The following UNC79 variants were observed in gnomAD, a reference collection of about 807,000 sequenced individuals.
UNC79 encodes the protein unc-79 subunit of NALCN channel complex, also known as protein unc-79 homolog.
In UNC79, 37 loss-of-function variants were observed where a neutral mutation model predicts 283.1. The observed-to-expected ratio is 0.13, with a 90% confidence interval of 0.10 to 0.17. The LOEUF (loss-of-function observed/expected upper bound fraction) is 0.17, where lower values mean the gene tolerates loss of function less well. UNC79 is among the 10% of genes least tolerant of loss of function. UNC79 has a pLI of 1.00. For synonymous variants in UNC79, 1,107 were observed against 1,200.2 expected (o/e 0.92, Z 1.61); for missense variants, 2,272 against 3,211.1 (o/e 0.71, Z 7.07).
At chr14:93,496,936 C>T (rs188903252) in intron 6 of UNC79, among the ~76,000 whole-genome samples, 51 of 152,252 alleles carry the variant, frequency 3.3e-4, no homozygotes, top group Admixed American at 9.2e-4. Context: ...TGTACTCTAC[C>T]TGTGAGGGCT....
intron 2 of UNC79, among the ~76,000 whole-genome samples, chr14:93,471,022 A>G (rs923615673): frequency 3.3e-5 from 5 of 152,184 alleles, no homozygotes; most frequent in Non-Finnish European, 2.9e-5. Flanking sequence ...GGCTGCTAGC[A>G]TGTAAAATCT....
chr14:93,700,979 G>T (rs76457143), intron 47 of UNC79, among the ~76,000 whole-genome samples: 2 of 152,132 alleles, frequency 1.3e-5, no homozygotes, highest in Non-Finnish European at 2.9e-5. Context: ...GACTCAGGGG[G>T]ATCCCTTTTC....
At chr14:93,418,340 C>T (rs2055509828) in intron 1 of UNC79, among the ~76,000 whole-genome samples, 3 of 151,714 alleles carry the variant, frequency 2.0e-5, no homozygotes, top group South Asian at 4.3e-4. Flanking sequence ...AGCAGATTTT[C>T]GTGAACCGTG....
At chr14:93,424,469 A>G (rs2055678766) in intron 1 of UNC79, among the ~76,000 whole-genome samples, 1 of 152,188 alleles carries the variant, frequency 6.6e-6, no homozygotes, top group Non-Finnish European at 1.5e-5. Flanking sequence ...AAGTGTCTAT[A>G]AACAGATAAA....
chr14:93,443,867 G>A (rs1028219380), intron 1 of UNC79, among the ~76,000 whole-genome samples: 2 of 152,166 alleles, frequency 1.3e-5, no homozygotes, highest in Admixed American at 6.5e-5. Context: ...CCAGTTGATA[G>A]AAATTTGGGT....
Position 93,395,702 on chromosome 14 carries a change from C to G in UNC79, c.-351+62179C>G, listed in dbSNP as rs575628558. Among the ~76,000 whole-genome samples, 4 of 152,006 alleles carry G rather than the reference C, an allele frequency of 2.6e-5. No individual in the cohort carries two copies. In the South Asian group the frequency reaches 8.3e-4, roughly 31 times the overall value. On this transcript the variant is annotated intron_variant, in intron 1 of 49. Coordinates refer to the UNC79 transcript ENST00000256339. ...TTTTTGTTTGTTTTTTGTTTTTTTC[C>G]TCTTAGTACTTTGAATATGTCATCC...
chr14:93,362,779 G>A (rs915408440), intron 1 of UNC79, among the ~76,000 whole-genome samples: 1 of 152,152 alleles, frequency 6.6e-6, no homozygotes, highest in African/African-American at 2.4e-5. Context: ...GTTCACAGAA[G>A]TGTTTGTAAT....
intron 1 of UNC79, among the ~76,000 whole-genome samples, chr14:93,451,848 T>C (rs1326979051): frequency 6.6e-6 from 1 of 152,204 alleles, no homozygotes; most frequent in Non-Finnish European, 1.5e-5. Flanking sequence ...GGATTTGACT[T>C]TCTCTGGTCT....
At chr14:93,411,085 G>A (rs1394441086) in intron 1 of UNC79, among the ~76,000 whole-genome samples, 6 of 152,022 alleles carry the variant, frequency 3.9e-5, no homozygotes, top group Admixed American at 6.5e-5. Context: ...GCATTGCCCC[G>A]AAGGGTGAGT....
chr14:93,629,197 T>TCA (rs1312092894), intron 30 of UNC79, among the ~76,000 whole-genome samples: 3 of 152,232 alleles, frequency 2.0e-5, no homozygotes, highest in South Asian at 4.2e-4. Context: ...AGACTCCATC[T>TCA]CACACACACT....
intron 14 of UNC79, among the ~76,000 whole-genome samples, chr14:93,560,819 G>C (rs542444130): frequency 6.6e-6 from 1 of 152,158 alleles, no homozygotes; most frequent in African/African-American, 2.4e-5. Context: ...GGGGTGTCTT[G>C]TACCCAGACT....
chr14:93,499,361 G>C (rs2059175184), intron 7 of UNC79, among the ~76,000 whole-genome samples: 1 of 152,140 alleles, frequency 6.6e-6, no homozygotes, highest in Non-Finnish European at 1.5e-5. Context: ...TTCGATCCCT[G>C]AAATAAGCAC....
intron 1 of UNC79, among the ~76,000 whole-genome samples, chr14:93,381,010 G>A (rs1181561147): frequency 2.0e-5 from 3 of 152,110 alleles, no homozygotes. Flanking sequence ...AAACGGATGT[G>A]TCCCATATGG....
chr14:93,697,333 A>ACT (rs2075209502), intron 47 of UNC79, among the ~76,000 whole-genome samples: 2 of 152,162 alleles, frequency 1.3e-5, no homozygotes, highest in Admixed American at 1.3e-4. Context: ...ACAGGGTTTC[A>ACT]CTATGTTGGC....
chr14:93,468,918 A>C (rs1176138181), intron 2 of UNC79, among the ~76,000 whole-genome samples: 1 of 152,198 alleles, frequency 6.6e-6, no homozygotes, highest in Non-Finnish European at 1.5e-5. Flanking sequence ...TAATTAGCCC[A>C]ATTTTCATAG....
Position 93,396,767 on chromosome 14 carries a change from A to ATGTGTGTGTGTGTGTG in UNC79, c.-351+63253_-351+63254insGTGTGTGTGTGTGTGT, listed in dbSNP as rs1413500764. 3.5e-3 allele frequency among the ~76,000 whole-genome samples: 265 copies of ATGTGTGTGTGTGTGTG among 76,498 alleles called. 1 individual carries two copies. The highest frequency in any genetic ancestry group is 5.6e-3 in the African/African-American group (134 of 23,878). 50.2% of individuals were successfully genotyped at this position (76,498 alleles called of 152,430 possible). ...AAATCTCCCAGTCTTTGCAAAGGGC[A>ATGTGTGTGTGTGTGTG]TGTGTGTGTATGTGTGTGTGTGTGT... On this transcript the variant is annotated intron_variant, in intron 1 of 49. Coordinates refer to the UNC79 transcript ENST00000256339.
intron 41 of UNC79, among the ~76,000 whole-genome samples, chr14:93,682,274 G>T (rs1370173189): frequency 2.0e-5 from 3 of 152,210 alleles, no homozygotes; most frequent in African/African-American, 7.2e-5. Flanking sequence ...GAAACTGTAT[G>T]AAATGTGCTT....
At chr14:93,488,536 G>A (rs1490566526) in intron 5 of UNC79, among the ~76,000 whole-genome samples, 5 of 151,552 alleles carry the variant, frequency 3.3e-5, no homozygotes, top group Non-Finnish European at 5.9e-5. Context: ...TTAATAAATA[G>A]TAATTGAACT....
At chr14:93,485,864 T>C (rs1301097613) in intron 4 of UNC79, among the ~76,000 whole-genome samples, 1 of 152,178 alleles carries the variant, frequency 6.6e-6, no homozygotes, top group African/African-American at 2.4e-5. Context: ...TTCTGTAAAA[T>C]TGTTTTAAAG....
Sources: gnomAD v4.1 joint callset for allele counts (sites outside exome capture counted in the v4.1 genomes callset) on GRCh38, gnomAD v4.1.1 for gene constraint, MANE v1.5 for transcripts, NCBI Gene and HGNC (gene_info 2026-07-23, HGNC 2026-07-21) for gene names.